The following SLCO1C1 variants were observed in gnomAD, a reference collection of about 807,000 sequenced individuals.
The protein encoded by SLCO1C1 is OAT-RP-5.
Under a neutral mutation model 76.4 loss-of-function variants are expected in SLCO1C1, and 70 were observed. That is an observed-to-expected ratio of 0.92 (90% CI 0.76 to 1.12). SLCO1C1 has a LOEUF of 1.12. Among genes scored for constraint, SLCO1C1 ranks in the 50% most tolerant of loss-of-function variants. SLCO1C1 has a pLI of 0.00. For missense variants in SLCO1C1, 912 were observed against 823.8 expected, an observed-to-expected ratio of 1.11 and a Z score of -1.31; for synonymous variants, 306 against 286.1, an observed-to-expected ratio of 1.07 and a Z score of -0.70.
intron 9 of SLCO1C1, among the ~76,000 whole-genome samples, chr12:20,725,447 T>C (rs1947931423): frequency 6.8e-6 from 1 of 146,472 alleles, no homozygotes; most frequent in South Asian, 2.1e-4. Flanking sequence ...ATATAGTATA[T>C]TATGTATACT....
chr12:20,743,467 G>A, intron 13 of SLCO1C1, 98 bp downstream of exon 13: 1 of 879,408 alleles, frequency 1.1e-6, no homozygotes, highest in South Asian at 1.9e-5. Context: ...ATAAATATAT[G>A]TTGTAGGTGG....
intron 3 of SLCO1C1, 85 bp from the exon 4 acceptor site, chr12:20,705,864 G>A: frequency 7.5e-7 from 1 of 1,325,760 alleles, no homozygotes; most frequent in Non-Finnish European, 1.0e-6. Context: ...AACATTGCTT[G>A]GTCTGCTGTA....
At chr12:20,720,929 G>A (rs1357995988) in intron 7 of SLCO1C1, among the ~76,000 whole-genome samples, 4 of 151,022 alleles carry the variant, frequency 2.6e-5, no homozygotes, top group African/African-American at 4.9e-5. Flanking sequence ...CCCGGGAGGC[G>A]GAGGTTGTGG....
At chr12:20,734,244 C>A (rs532280759) in intron 10 of SLCO1C1, among the ~76,000 whole-genome samples, 1 of 152,256 alleles carries the variant, frequency 6.6e-6, no homozygotes, top group African/African-American at 2.4e-5. Context: ...ATAGTTTTGG[C>A]CATCTACAAT....
chr12:20,711,927 C>G (rs56771264), intron 5 of SLCO1C1, among the ~76,000 whole-genome samples: 12,713 of 152,100 alleles, frequency 0.084, 583 homozygotes, highest in Middle Eastern at 0.18. Flanking sequence ...TCAATTTGTC[C>G]GCAACCTCCC....
chr12:20,731,759 A>G (rs1316690650), intron 9 of SLCO1C1, among the ~76,000 whole-genome samples: 1 of 152,244 alleles, frequency 6.6e-6, no homozygotes, highest in Non-Finnish European at 1.5e-5. Context: ...AAATGGCACC[A>G]AAGTGCCTCT....
intron 10 of SLCO1C1, among the ~76,000 whole-genome samples, chr12:20,734,812 G>A (rs901118828): frequency 1.3e-5 from 2 of 152,178 alleles, no homozygotes; most frequent in African/African-American, 4.8e-5. Context: ...CACCTTGAAA[G>A]ACTATAATTG....
At chr12:20,696,059 T>G (rs981219120) in intron 1 of SLCO1C1, among the ~76,000 whole-genome samples, 1 of 152,132 alleles carries the variant, frequency 6.6e-6, no homozygotes, top group Non-Finnish European at 1.5e-5. Context: ...CTTAATTGCT[T>G]TGGGCCATCT....
intron 9 of SLCO1C1, among the ~76,000 whole-genome samples, chr12:20,730,952 C>T (rs1002733434): frequency 2.0e-5 from 3 of 152,216 alleles, no homozygotes; most frequent in Middle Eastern, 3.4e-3. Flanking sequence ...AGACTGGCAA[C>T]GCTTGCATTT....
At chr12:20,708,547 A>T (rs1331159157) in intron 4 of SLCO1C1, among the ~76,000 whole-genome samples, 1 of 152,152 alleles carries the variant, frequency 6.6e-6, no homozygotes, top group African/African-American at 2.4e-5. Flanking sequence ...TATGGCTCAC[A>T]TAGTTGGTGA....
At chr12:20,749,586 T>C (rs1045820784) in intron 13 of SLCO1C1, among the ~76,000 whole-genome samples, 2 of 152,172 alleles carry the variant, frequency 1.3e-5, no homozygotes, top group African/African-American at 2.4e-5. Flanking sequence ...TTAGAACATA[T>C]AAAATATACA....
At chr12:20,725,147 A>G (rs1237437477) in intron 9 of SLCO1C1, among the ~76,000 whole-genome samples, 3 of 134,368 alleles carry the variant, frequency 2.2e-5, no homozygotes, top group African/African-American at 8.2e-5. Flanking sequence ...TACTTTTTAT[A>G]TTAATAATTT....
At chr12:20,699,798 C>T (rs938356330) in intron 2 of SLCO1C1, 93 bp downstream of exon 2, 57 of 1,305,456 alleles carry the variant, frequency 4.4e-5, no homozygotes, top group Non-Finnish European at 5.6e-5. Flanking sequence ...ATTGTTTTCT[C>T]CTTTAAAAAA....
chr12:20,709,177 A>G (rs759146590), intron 4 of SLCO1C1, among the ~76,000 whole-genome samples: 20 of 152,220 alleles, frequency 1.3e-4, no homozygotes, highest in South Asian at 4.1e-4. Context: ...ATATAAAAGC[A>G]TTTATAATAT....
intron 5 of SLCO1C1, among the ~76,000 whole-genome samples, chr12:20,714,368 C>T (rs1023917440): frequency 7.9e-5 from 12 of 152,094 alleles, no homozygotes; most frequent in Non-Finnish European, 2.9e-5. Flanking sequence ...ATTAAAGCAC[C>T]TAAACCTTCA....
At chr12:20,711,616 A>G in intron 5 of SLCO1C1, 106 bp downstream of exon 5, 2 of 1,223,822 alleles carry the variant, frequency 1.6e-6, no homozygotes, top group Non-Finnish European at 1.1e-6. Flanking sequence ...CAAAAGCTTT[A>G]CTACTTAAAT....
At chr12:20,751,231 C>A (rs776687235) in intron 14 of SLCO1C1, among the ~76,000 whole-genome samples, 2 of 152,044 alleles carry the variant, frequency 1.3e-5, no homozygotes, top group African/African-American at 4.8e-5. Context: ...TAAATCTGTC[C>A]GGCTTTTATT....
At chr12:20,715,675 G>GC (rs150365102) in intron 6 of SLCO1C1, among the ~76,000 whole-genome samples, 4,406 of 152,168 alleles carry the variant, frequency 0.029, 139 homozygotes, top group African/African-American at 0.077. Context: ...CATTTGATAA[G>GC]CCTTGATAAG....
intron 12 of SLCO1C1, among the ~76,000 whole-genome samples, chr12:20,742,846 T>A (rs2900455): frequency 0.076 from 11,642 of 152,204 alleles, 571 homozygotes; most frequent in Middle Eastern, 0.13. Context: ...CTGATTTTTT[T>A]AAATTCCCTT....
Sources: gnomAD v4.1 joint callset for allele counts (sites outside exome capture counted in the v4.1 genomes callset) on GRCh38, gnomAD v4.1.1 for gene constraint, MANE v1.5 for transcripts, NCBI Gene and HGNC (gene_info 2026-07-23, HGNC 2026-07-21) for gene names.